The following KIF26B variants were observed in gnomAD, a reference collection of about 807,000 sequenced individuals.
KIF26B encodes the protein kinesin-like protein KIF26B.
In KIF26B, 63 loss-of-function variants were observed where a neutral mutation model predicts 151.2. That is an observed-to-expected ratio of 0.42 (90% confidence interval 0.34 to 0.51). The LOEUF (loss-of-function observed/expected upper bound fraction) is 0.51. KIF26B is among the 20% of genes least tolerant of loss of function. KIF26B has a pLI of 0.07. For missense variants in KIF26B, 2,813 were observed against 2,913.6 expected, an observed-to-expected ratio of 0.97 and a Z score of 0.79; for synonymous variants, 1,357 against 1,262.1, an observed-to-expected ratio of 1.08 and a Z score of -1.59.
chr1:245,308,613 TC>T, intron 2 of KIF26B, among the ~76,000 whole-genome samples: 1 of 152,262 alleles, frequency 6.6e-6, no homozygotes, highest in Middle Eastern at 3.4e-3. Context: ...GCACCTGTAG[TC>T]CCAGCTACAT....
At chr1:245,313,657 G>A (rs1277194895) in intron 2 of KIF26B, among the ~76,000 whole-genome samples, 3 of 152,168 alleles carry the variant, frequency 2.0e-5, no homozygotes, top group Admixed American at 6.5e-5. Context: ...CAGATCCCGC[G>A]GCAAGCATTC....
At chr1:245,586,692 G>C (rs1421699645) in intron 5 of KIF26B, among the ~76,000 whole-genome samples, 5 of 151,406 alleles carry the variant, frequency 3.3e-5, no homozygotes, top group African/African-American at 1.2e-4. Context: ...GACCATCCTG[G>C]CTAACAAGGT....
chr1:245,476,497 CATTT>C (rs57100568), intron 4 of KIF26B, among the ~76,000 whole-genome samples: 16,692 of 142,480 alleles, frequency 0.12, 1,753 homozygotes, highest in African/African-American at 0.24. Context: ...TTAAAAGACA[CATTT>C]ATTTATTTAT....
intron 4 of KIF26B, among the ~76,000 whole-genome samples, chr1:245,421,965 A>G (rs1658499908): frequency 6.6e-6 from 1 of 152,112 alleles, no homozygotes; most frequent in Admixed American, 6.5e-5. Context: ...TGGAAGGGAG[A>G]TACTGAGGCA....
intron 2 of KIF26B, among the ~76,000 whole-genome samples, chr1:245,325,784 C>T (rs1283480294): frequency 2.0e-5 from 3 of 152,046 alleles, no homozygotes; most frequent in African/African-American, 7.2e-5. Context: ...TCAATTCAAT[C>T]CAATGAATCC....
chr1:245,601,056 G>A lies in KIF26B; in HGVS notation c.1351-1521G>A, dbSNP rs1339095222. Among the ~76,000 whole-genome samples, 2 of 152,202 alleles carry A rather than the reference G, an allele frequency of 1.3e-5. No homozygotes were observed. Among genetic ancestry groups the A allele is most frequent in the African/African-American group, 4.8e-5 (2 of 41,448 alleles). On this transcript the variant is annotated intron_variant, in intron 5 of 14. Coordinates refer to ENST00000407071, the MANE Select transcript of KIF26B (RefSeq NM_018012.4). The surrounding 1 kb of genome is among the most constrained non-coding windows in gnomAD (Gnocchi z 4.4). ...CTGGAGCATTGGGAGGATTAAATGA[G>A]ATCGTGTAGATAACAGCATAGTCCT...
intron 9 of KIF26B, among the ~76,000 whole-genome samples, chr1:245,636,929 T>G (rs186173526): frequency 3.9e-5 from 6 of 152,120 alleles, no homozygotes; most frequent in Non-Finnish European, 7.4e-5. Context: ...GATGGACACT[T>G]AGACTGATTC....
chr1:245,525,293 T>G (rs944773851), intron 4 of KIF26B, among the ~76,000 whole-genome samples: 3 of 152,212 alleles, frequency 2.0e-5, no homozygotes, highest in African/African-American at 7.2e-5. Context: ...GTGAAGAATC[T>G]TATATATTTC....
intron 9 of KIF26B, among the ~76,000 whole-genome samples, chr1:245,635,293 C>T (rs2043822916): frequency 1.3e-5 from 2 of 151,942 alleles, no homozygotes; most frequent in South Asian, 4.1e-4. Flanking sequence ...AGGTTGTGAA[C>T]TACAGATTCT....
intron 2 of KIF26B, among the ~76,000 whole-genome samples, chr1:245,201,766 G>T (rs907128654): frequency 6.6e-6 from 1 of 152,154 alleles, no homozygotes; most frequent in Non-Finnish European, 1.5e-5. Flanking sequence ...CGTGGGGGCG[G>T]GGGGAAGGGG....
intron 2 of KIF26B, among the ~76,000 whole-genome samples, chr1:245,197,664 A>G (rs1341925747): frequency 1.3e-5 from 2 of 152,212 alleles, no homozygotes; most frequent in South Asian, 2.1e-4. Flanking sequence ...TGAGTAATAC[A>G]TGCTGATTAT....
intron 4 of KIF26B, among the ~76,000 whole-genome samples, chr1:245,486,764 A>G (rs1451907069): frequency 6.6e-6 from 1 of 152,098 alleles, no homozygotes; most frequent in Admixed American, 6.5e-5. Context: ...TCGGCCTCCC[A>G]GGCTCAAGCC....
At chr1:245,623,855 C>T (rs2043692270) in intron 9 of KIF26B, among the ~76,000 whole-genome samples, 1 of 152,184 alleles carries the variant, frequency 6.6e-6, no homozygotes, top group Non-Finnish European at 1.5e-5. Context: ...AAGGGATATT[C>T]AGCTTGTGTG....
intron 2 of KIF26B, among the ~76,000 whole-genome samples, chr1:245,222,450 AC>A (rs1669794157): frequency 6.6e-6 from 1 of 152,198 alleles, no homozygotes; most frequent in Non-Finnish European, 1.5e-5. Flanking sequence ...AAACAAACAA[AC>A]AAACAAAAAC....
rs376766633 is a variant in KIF26B at position 245,642,429 on chromosome 1, C to T, written c.2099-3692C>T. On this transcript the variant is annotated intron_variant, in intron 9 of 14. Transcript: ENST00000407071. ...GGTCTGCTATAAGATGGAGGGTGGC[C>T]GGGTGCCTGTAGTCCTAGCTACTCG... Among the ~76,000 whole-genome samples the T allele has an allele frequency of 3.3e-4, 50 of 151,822 alleles. 1 individual carries two copies. The East Asian group carries it at 6.8e-3, about 21-fold the overall frequency.
Position 245,672,870 on chromosome 1 carries a change from T to C in KIF26B, c.2259-11363T>C, listed in dbSNP as rs537292603. On this transcript the variant is annotated intron_variant, in intron 10 of 14. Transcript: ENST00000407071. ...TACTGTATTGTATCTCTCAAATCCA[T>C]TGTTTTTTTTTAAAGAATGAGATCA... Among the ~76,000 whole-genome samples, 6 of 150,908 alleles carry C rather than the reference T, an allele frequency of 4.0e-5. No homozygotes were observed. In the South Asian group the frequency reaches 1.2e-3, roughly 31 times the overall value.
intron 10 of KIF26B, chr1:245,676,132 G>A (rs556934928): frequency 3.5e-4 from 54 of 152,274 alleles, no homozygotes; most frequent in African/African-American, 1.2e-3. Flanking sequence ...TGACAGAATT[G>A]TATTCTGGAA....
intron 9 of KIF26B, among the ~76,000 whole-genome samples, chr1:245,615,681 C>T (rs1285875125): frequency 4.6e-5 from 7 of 152,272 alleles, no homozygotes; most frequent in African/African-American, 1.7e-4. Context: ...TCCAAAACCT[C>T]GGTTAGGTCC....
intron 10 of KIF26B, among the ~76,000 whole-genome samples, chr1:245,669,330 TGAA>T (rs1203138053): frequency 6.6e-6 from 1 of 152,142 alleles, no homozygotes; most frequent in African/African-American, 2.4e-5. Flanking sequence ...TGAAGACTGA[TGAA>T]GTATTCCCTA....
Sources: gnomAD v4.1 joint callset for allele counts (sites outside exome capture counted in the v4.1 genomes callset) on GRCh38, gnomAD v4.1.1 for gene constraint, Gnocchi (gnomAD v3.1) non-coding constraint, MANE v1.5 for transcripts, NCBI Gene and HGNC (gene_info 2026-07-23, HGNC 2026-07-21) for gene names.